The following MCM8 variants were observed in gnomAD, a reference collection of about 807,000 sequenced individuals.
The protein encoded by MCM8 is DNA helicase MCM8.
In MCM8, 85 loss-of-function variants were observed where a neutral mutation model predicts 98.9. That is an observed-to-expected ratio of 0.86 (90% CI 0.72 to 1.03). The LOEUF is 1.03. MCM8 is among the 50% of genes least tolerant of loss of function. MCM8 has a pLI of 0.00. For missense variants in MCM8, 951 were observed against 997.8 expected, an observed-to-expected ratio of 0.95 and a Z score of 0.63; for synonymous variants, 352 against 338.6, an observed-to-expected ratio of 1.04 and a Z score of -0.44.
intron 8 of MCM8, chr20:5,965,625 A>AGCAG (rs1187716735): frequency 6.6e-6 from 1 of 152,154 alleles, no homozygotes; most frequent in Non-Finnish European, 1.5e-5. Flanking sequence ...TTACCCCTTA[A>AGCAG]ATGAAAATGA....
intron 11 of MCM8, 45 bp downstream of exon 11, chr20:5,972,082 G>A: frequency 1.3e-6 from 2 of 1,485,640 alleles, no homozygotes; most frequent in Non-Finnish European, 1.9e-6. Context: ...TATAAGGTTA[G>A]CAAAAATAAC....
chr20:5,959,690 CTTTTTTT>C (rs61232248), intron 7 of MCM8, among the ~76,000 whole-genome samples: 4 of 65,198 alleles, frequency 6.1e-5, no homozygotes, highest in African/African-American at 1.2e-4. Flanking sequence ...GTAGGCTGTA[CTTTTTTT>C]TTTTTTTTTT....
At chr20:5,982,348 C>T (rs1240244339) in intron 13 of MCM8, among the ~76,000 whole-genome samples, 1 of 152,042 alleles carries the variant, frequency 6.6e-6, no homozygotes, top group African/African-American at 2.4e-5. Context: ...AGATGTGACC[C>T]CCAGATACTA....
rs2089920612 is a variant in MCM8, at chr20:5,994,492, C to CAA, written c.*102_*103insAA. On this transcript the variant is annotated 3_prime_UTR_variant, in exon 19 of 19. Coordinates refer to ENST00000610722, the MANE Select transcript of MCM8 (RefSeq NM_032485.6). ...ACAGACAGACAGACACACACACACA[C>CAA]ACACACACACACACACACACACACA... 1 of 575,278 alleles carries CAA rather than the reference C, an allele frequency of 1.7e-6. No individual in the cohort carries two copies. Among genetic ancestry groups the CAA allele is most frequent in the Non-Finnish European group, 3.0e-6 (1 of 329,292 alleles). 35.6% of individuals were successfully genotyped at this position (575,278 alleles called of 1,614,324 possible).
chr20:5,958,457 C>A (rs1299788079), intron 6 of MCM8, 71 bp from the exon 7 acceptor site: 17 of 1,139,988 alleles, frequency 1.5e-5, no homozygotes, highest in Non-Finnish European at 2.1e-5. Context: ...TCCATAGTTG[C>A]TCCTAAAAGG....
chr20:5,958,167 G>T (rs1222198049), intron 6 of MCM8, among the ~76,000 whole-genome samples: 1 of 152,148 alleles, frequency 6.6e-6, no homozygotes, highest in East Asian at 1.9e-4. Flanking sequence ...TCAAGCGATC[G>T]AGACCATCCT....
intron 5 of MCM8, among the ~76,000 whole-genome samples, chr20:5,956,874 G>T (rs1468876679): frequency 6.6e-6 from 1 of 151,870 alleles, no homozygotes; most frequent in Non-Finnish European, 1.5e-5. Context: ...TTTAATGTTA[G>T]GTTTAGTTGG....
Position 5,954,659 on chromosome 20 carries a change from T to A in MCM8, c.305T>A (p.Phe102Tyr). 6.2e-7 allele frequency: 1 copy of A among 1,609,878 alleles called. No homozygotes were observed. The highest frequency in any genetic ancestry group is 8.5e-7 in the Non-Finnish European group (1 of 1,176,558). ...GAGAAGATTCAAGCATTTGAAAAATTTTTCACAAGGCATATTGATTTGTAT... is the reference window on the plus strand; with the variant it reads ...GAGAAGATTCAAGCATTTGAAAAATATTTCACAAGGCATATTGATTTGTAT... Reference protein sequence around the residue: ...LIEKIQAFEKFFTRHIDLYDK... With the variant: ...LIEKIQAFEKYFTRHIDLYDK... Residue 102 changes from phenylalanine to tyrosine, a missense_variant, in exon 4 of 19, where the codon TTT becomes TAT. Physicochemically the swap from Phe to Tyr is conservative, Grantham distance 22 (BLOSUM62 3). Coordinates refer to ENST00000610722, the MANE Select transcript of MCM8 (RefSeq NM_032485.6).
intron 5 of MCM8, among the ~76,000 whole-genome samples, chr20:5,956,422 GTTTA>G (rs571806049): frequency 6.6e-5 from 10 of 152,022 alleles, no homozygotes; most frequent in East Asian, 5.8e-4. Context: ...TTTGTTTGTT[GTTTA>G]TTTATTTATT....
intron 13 of MCM8, among the ~76,000 whole-genome samples, chr20:5,982,047 A>G (rs2089639940): frequency 6.6e-6 from 1 of 152,230 alleles, no homozygotes; most frequent in Admixed American, 6.5e-5. Flanking sequence ...TCCATGAAGT[A>G]GAAAACCCAA....
chr20:5,955,019 T>C (rs1462247772), intron 4 of MCM8, 83 bp from the exon 5 acceptor site: 1 of 954,180 alleles, frequency 1.0e-6, no homozygotes, highest in African/African-American at 1.7e-5. Flanking sequence ...GTATGCTTTC[T>C]CAAAGTCTAT....
intron 17 of MCM8, among the ~76,000 whole-genome samples, chr20:5,987,980 C>T (rs907084458): frequency 1.3e-5 from 2 of 152,048 alleles, no homozygotes; most frequent in South Asian, 2.1e-4. Context: ...GTATCCTTTG[C>T]ATTTTACATC....
chr20:5,990,992 CAT>C (rs1368726299), intron 17 of MCM8: 1 of 152,186 alleles, frequency 6.6e-6, no homozygotes, highest in Non-Finnish European at 1.5e-5. Flanking sequence ...TCCTGAATGT[CAT>C]GTTTCTACTT....
chr20:5,973,930 C>A (rs1009978409), intron 12 of MCM8, among the ~76,000 whole-genome samples: 1 of 151,782 alleles, frequency 6.6e-6, no homozygotes, highest in Non-Finnish European at 1.5e-5. Flanking sequence ...GCTGGGATTA[C>A]CGGTGTGAGC....
At position 5,983,055 on chromosome 20, in the gene MCM8, T is replaced by C. The variant is rs755535445; in HGVS notation, c.1623T>C (p.Leu541=). 4.3e-6 allele frequency: 7 copies of C among 1,614,062 alleles called. No individual in the cohort carries two copies. Among genetic ancestry groups the C allele is most frequent in the Non-Finnish European group, 5.1e-6 (6 of 1,180,020 alleles). The part of the protein sequence containing the change: ...LEAMEQQSIS[L]AKAGVVCSLP... ...CCATGGAGCAGCAAAGTATTAGTCT[T>C]GCTAAGGCTGGTGTGGTTTGTAGCC... The change falls in exon 14 of 19, where the codon CTT becomes CTC. Residue 541 remains leucine (L), a synonymous_variant. Coordinates refer to ENST00000610722, the MANE Select transcript of MCM8 (RefSeq NM_032485.6).
intron 8 of MCM8, chr20:5,965,562 A>T (rs1333512672): frequency 6.6e-6 from 1 of 152,176 alleles, no homozygotes; most frequent in Non-Finnish European, 1.5e-5. Flanking sequence ...GAATGATCAA[A>T]TGCCAAGCAA....
intron 7 of MCM8, among the ~76,000 whole-genome samples, chr20:5,959,366 G>C (rs565172282): frequency 6.6e-6 from 1 of 152,138 alleles, no homozygotes; most frequent in Admixed American, 6.5e-5. Flanking sequence ...AAATTGGCAT[G>C]TATTCTTCAA....
At chr20:5,963,179 A>T in intron 7 of MCM8, 95 bp from the exon 8 acceptor site, 1 of 956,270 alleles carries the variant, frequency 1.0e-6, no homozygotes, top group Non-Finnish European at 1.7e-6. Context: ...ACCAACTTTT[A>T]AAACAATATT....
intron 8 of MCM8, among the ~76,000 whole-genome samples, chr20:5,964,260 C>G (rs1394432174): frequency 6.6e-6 from 1 of 151,938 alleles, no homozygotes; most frequent in Admixed American, 6.6e-5. Context: ...TCAGTGCTCT[C>G]TAGCAAACCT....
Sources: allele counts gnomAD v4.1 joint callset (sites outside exome capture counted in the v4.1 genomes callset), GRCh38; gene constraint gnomAD v4.1.1; transcripts MANE v1.5; gene names NCBI Gene and HGNC (gene_info 2026-07-23, HGNC 2026-07-21).